TSNARE1: variants seen among roughly 807,000 people sequenced by gnomAD.
TSNARE1 encodes t-SNARE domain containing 1, also known as t-SNARE domain-containing protein 1.
In TSNARE1, 49 loss-of-function variants were observed where a neutral mutation model predicts 62.0. The observed-to-expected ratio is 0.79, with a 90% CI of 0.63 to 1.00. The LOEUF is 1.00. Ranked by LOEUF, TSNARE1 falls within the 50% of genes least tolerant of loss-of-function variation. The pLI is 0.00. For missense variants in TSNARE1, 755 were observed against 700.1 expected (o/e 1.08, Z -0.88); for synonymous variants, 328 against 294.4 (o/e 1.11, Z -1.17).
intron 12 of TSNARE1, among the ~76,000 whole-genome samples, chr8:142,246,090 A>T (rs908099981): frequency 3.3e-5 from 5 of 152,192 alleles, no homozygotes; most frequent in Non-Finnish European, 7.4e-5. Flanking sequence ...TCCCAGCAGG[A>T]GAGTTCCCCA....
chr8:142,390,399 A>G (rs1401906913), intron 1 of TSNARE1, among the ~76,000 whole-genome samples: 1 of 94,298 alleles, frequency 1.1e-5, no homozygotes, highest in Non-Finnish European at 2.1e-5. Flanking sequence ...GGACTCCGTA[A>G]CAGACGCTGT....
At position 142,274,753 on chromosome 8, in the gene TSNARE1, G is replaced by T. The variant is rs144336753; in HGVS notation, c.1446+28C>A. On this transcript the variant is annotated intron_variant, in intron 12 of 13. Coordinates refer to ENST00000524325, the MANE Select transcript of TSNARE1 (RefSeq NM_145003.5). ...ATAGGGGACGGAGGCCGGGCCGGCC[G>T]GGCACTGTGGCCCTCACACGGACTT... 28 of 1,496,024 alleles carry T rather than the reference G, an allele frequency of 1.9e-5. No homozygotes were observed. The South Asian group carries it at 2.4e-4, about 13-fold the overall frequency. The allele number at this position is 1,496,024 out of a possible 1,614,324, so 92.7% of individuals were successfully genotyped here. A position where few individuals can be genotyped will look rare whatever the true frequency, so the allele number is the denominator to read the frequency against.
At chr8:142,347,306 A>G (rs1833503610) in intron 2 of TSNARE1, among the ~76,000 whole-genome samples, 1 of 152,188 alleles carries the variant, frequency 6.6e-6, no homozygotes, top group Non-Finnish European at 1.5e-5. Context: ...CCAGGCACCC[A>G]CGAAGAGGCA....
chr8:142,334,864 A>T (rs534620885), intron 4 of TSNARE1, among the ~76,000 whole-genome samples: 2 of 152,150 alleles, frequency 1.3e-5, no homozygotes, highest in African/African-American at 2.4e-5. Flanking sequence ...TTTCAAACAC[A>T]GGGGCAGATT....
Position 142,271,139 on chromosome 8 carries a change from G to A in TSNARE1, c.1446+3642C>T, listed in dbSNP as rs143290291. On this transcript the variant is annotated intron_variant, in intron 12 of 13. Coordinates refer to ENST00000524325, the MANE Select transcript of TSNARE1 (RefSeq NM_145003.5). ...CATCCCTGAGAAGACCTCGAGCCCC[G>A]AGTGGGTGCCCTTGGGGCTGTCCTG... 1.8e-3 allele frequency: 1,760 copies of A among 987,180 alleles called. 22 individuals are homozygous for A. In the African/African-American group the frequency reaches 0.029, roughly 16 times the overall value. 61.2% of individuals were successfully genotyped at this position (987,180 alleles called of 1,614,324 possible).
At chr8:142,325,153 T>C (rs1830017632) in intron 6 of TSNARE1, among the ~76,000 whole-genome samples, 1 of 152,152 alleles carries the variant, frequency 6.6e-6, no homozygotes, top group Non-Finnish European at 1.5e-5. Context: ...AGGCCTGGAC[T>C]GAGCGGGCCT....
At chr8:142,296,882 C>T (rs1824850322) in intron 10 of TSNARE1, among the ~76,000 whole-genome samples, 1 of 152,068 alleles carries the variant, frequency 6.6e-6, no homozygotes, top group African/African-American at 2.4e-5. Context: ...AGGTCACTGC[C>T]CAGAACGGAG....
chr8:142,324,093 T>TA (rs751346093), intron 6 of TSNARE1, among the ~76,000 whole-genome samples: 1 of 152,170 alleles, frequency 6.6e-6, no homozygotes, highest in Non-Finnish European at 1.5e-5. Context: ...CAATGTGGGA[T>TA]ACAGATGCAA....
At chr8:142,269,327 G>C in intron 12 of TSNARE1, 1 of 576,342 alleles carries the variant, frequency 1.7e-6, no homozygotes, top group Non-Finnish European at 2.2e-6. Flanking sequence ...CAGGGCTCAG[G>C]GTCAAGGCTC....
At chr8:142,382,384 A>G (rs906709641) in intron 1 of TSNARE1, among the ~76,000 whole-genome samples, 1 of 152,122 alleles carries the variant, frequency 6.6e-6, no homozygotes, top group African/African-American at 2.4e-5. Flanking sequence ...TCTCCCTCCC[A>G]ACCTCCATCA....
chr8:142,263,443 T>A (rs1372715623), intron 12 of TSNARE1, among the ~76,000 whole-genome samples: 1 of 152,240 alleles, frequency 6.6e-6, no homozygotes, highest in African/African-American at 2.4e-5. Flanking sequence ...AGTGTTTTCT[T>A]TGGGATCACC....
chr8:142,244,772 G>A (rs1054928909), intron 12 of TSNARE1, among the ~76,000 whole-genome samples: 6 of 152,196 alleles, frequency 3.9e-5, no homozygotes, highest in East Asian at 1.9e-4. Flanking sequence ...GACGCTTACC[G>A]CAGCCCACAG....
At chr8:142,272,548 T>C in intron 12 of TSNARE1, 3 of 445,126 alleles carry the variant, frequency 6.7e-6, no homozygotes, top group Non-Finnish European at 7.8e-6. Flanking sequence ...CCCACCTGTC[T>C]ACACCTTCCT....
chr8:142,344,129 G>T lies in TSNARE1; in HGVS notation c.582C>A (p.Val194=). The change falls in exon 4 of 14, where the codon GTC becomes GTA. Residue 194 remains valine (V), a synonymous_variant. Transcript: ENST00000524325. ...GGAGGTCGCCCAGCTTGCGCCGCAC[G>T]ACGGCTCGTAGGTCCCGCCACTTGT... ...LKHKWRDLRA[V]VRRKLGDLRK... is the part of the protein sequence containing the mutation. 3 of 1,612,646 alleles carry T rather than the reference G, an allele frequency of 1.9e-6. No individual in the cohort carries two copies. The highest frequency in any genetic ancestry group is 1.7e-6 in the Non-Finnish European group (2 of 1,179,632).
At chr8:142,275,588 C>A (rs1026920203) in intron 11 of TSNARE1, 1 of 985,322 alleles carries the variant, frequency 1.0e-6, no homozygotes, top group African/African-American at 1.7e-5. Flanking sequence ...GGAGCGCAGG[C>A]ACAGCCGGGG....
chr8:142,325,188 C>T (rs993775144), intron 6 of TSNARE1, among the ~76,000 whole-genome samples: 1 of 152,162 alleles, frequency 6.6e-6, no homozygotes, highest in East Asian at 1.9e-4. Context: ...CAGAGGGCAG[C>T]GCGGGCAGAA....
At chr8:142,217,654 C>A (rs954702604) in intron 13 of TSNARE1, among the ~76,000 whole-genome samples, 15 of 152,254 alleles carry the variant, frequency 9.9e-5, no homozygotes, top group Admixed American at 9.8e-4. Flanking sequence ...TTTCTGGCCT[C>A]ATCAATGAAG....
At chr8:142,277,806 C>G (rs1027378528) in intron 11 of TSNARE1, 1 of 985,236 alleles carries the variant, frequency 1.0e-6, no homozygotes, top group Non-Finnish European at 1.2e-6. Context: ...CAGGGAACCA[C>G]AGGGTGAGCA....
chr8:142,258,276 T>C (rs568995594), intron 12 of TSNARE1, among the ~76,000 whole-genome samples: 1 of 152,118 alleles, frequency 6.6e-6, no homozygotes, highest in African/African-American at 2.4e-5. Flanking sequence ...ACTGCACACA[T>C]GCACACAAAT....
Sources: allele counts gnomAD v4.1 joint callset (sites outside exome capture counted in the v4.1 genomes callset), GRCh38; gene constraint gnomAD v4.1.1; transcripts MANE v1.5; gene names NCBI Gene and HGNC (gene_info 2026-07-23, HGNC 2026-07-21).